MAMLD1: variants seen among roughly 807,000 people sequenced by gnomAD.
The protein encoded by MAMLD1 is mastermind-like domain-containing protein 1.
MAMLD1 carries 14 observed loss-of-function variants against 45.0 expected under a neutral mutation model. The observed-to-expected ratio is 0.31, with a 90% confidence interval of 0.21 to 0.49. The LOEUF (loss-of-function observed/expected upper bound fraction) is 0.49, where lower values mean the gene tolerates loss of function less well. MAMLD1 is among the 20% of genes least tolerant of loss of function. The probability of loss-of-function intolerance (pLI) is 0.99; values close to 1 mark genes in which losing one functional copy is unlikely to be tolerated. For synonymous variants in MAMLD1, 254 were observed against 247.8 expected (o/e 1.02, Z -0.24); for missense variants, 543 against 603.6 (o/e 0.90, Z 1.05).
At chrX:150,446,341 T>C (rs1340162277) in intron 2 of MAMLD1, among the ~76,000 whole-genome samples, 1 of 111,715 alleles carries the variant, frequency 9.0e-6, no homozygotes, top group Non-Finnish European at 1.9e-5. Flanking sequence ...CTGGAATTAA[T>C]AGAGCAGAGA....
intron 1 of MAMLD1, among the ~76,000 whole-genome samples, chrX:150,425,402 T>C (rs2034669430): frequency 8.9e-6 from 1 of 112,916 alleles, no homozygotes; most frequent in South Asian, 3.6e-4. Context: ...TTTTCAAAGC[T>C]AAAAGTGATG....
intron 1 of MAMLD1, among the ~76,000 whole-genome samples, chrX:150,368,776 A>G (rs1244294437): frequency 5.3e-5 from 6 of 112,389 alleles, no homozygotes; most frequent in South Asian, 7.3e-4. Context: ...AGCTTTCTAC[A>G]TATGGCTAGC....
chrX:150,390,215 G>A (rs1468564150), intron 1 of MAMLD1, among the ~76,000 whole-genome samples: 4 of 111,457 alleles, frequency 3.6e-5, no homozygotes, highest in South Asian at 3.8e-4. Context: ...ACAGACATGC[G>A]CCACCATGCC....
intron 1 of MAMLD1, among the ~76,000 whole-genome samples, chrX:150,381,321 C>CA (rs1171245443): frequency 8.9e-5 from 10 of 112,270 alleles, no homozygotes; most frequent in African/African-American, 2.6e-4. Flanking sequence ...CCAGGACAGT[C>CA]ACATTGATAC....
chrX:150,392,045 T>C (rs1052184535), intron 1 of MAMLD1, among the ~76,000 whole-genome samples: 3 of 111,772 alleles, frequency 2.7e-5, no homozygotes, highest in Admixed American at 9.5e-5. Flanking sequence ...TTGTTGCCAC[T>C]GAGTAGGATG....
intron 1 of MAMLD1, among the ~76,000 whole-genome samples, chrX:150,420,519 T>G (rs373030319): frequency 3.6e-5 from 4 of 112,140 alleles, no homozygotes; most frequent in South Asian, 7.4e-4. Context: ...GGTGCTCTGC[T>G]TTTTAGAGTT....
At chrX:150,486,509 A>G (rs1557407628) in intron 5 of MAMLD1, among the ~76,000 whole-genome samples, 1 of 111,925 alleles carries the variant, frequency 8.9e-6, no homozygotes, top group African/African-American at 3.3e-5. Context: ...AAATGGGGAA[A>G]GGTGTCAAGA....
At chrX:150,431,186 G>A (rs1557404043) in intron 1 of MAMLD1, among the ~76,000 whole-genome samples, 1 of 111,547 alleles carries the variant, frequency 9.0e-6, no homozygotes, top group Non-Finnish European at 1.9e-5. Flanking sequence ...AGTGTTTTTT[G>A]AGCAATAGTA....
chrX:150,501,153 G>A (rs1202693866), intron 5 of MAMLD1, among the ~76,000 whole-genome samples: 1 of 111,965 alleles, frequency 8.9e-6, no homozygotes, highest in Admixed American at 9.5e-5. Context: ...CTAATATCTT[G>A]CAAGTCACAG....
intron 1 of MAMLD1, among the ~76,000 whole-genome samples, chrX:150,408,369 A>AT (rs1212262782): frequency 2.9e-4 from 32 of 108,860 alleles, no homozygotes; most frequent in African/African-American, 8.4e-4. Context: ...TTTGCTCTCC[A>AT]TTTTTTTTTC....
rs1557409148 is a variant in MAMLD1 at position 150,512,115 on chromosome X, G to T, written c.*156G>T. The stretch of plus-strand genomic sequence containing the variant: ...CTTCTTCAGAACAATCTGAGTCCAG[G>T]AATGATCCCACTCACCAGGCACCAG... On this transcript the variant is annotated 3_prime_UTR_variant, in exon 8 of 8. Coordinates refer to ENST00000370401, the MANE Select transcript of MAMLD1 (RefSeq NM_005491.5). 4.3e-6 allele frequency: 5 copies of T among 1,152,419 alleles called. No individual in the cohort carries two copies. In the Admixed American group the frequency reaches 1.3e-4, roughly 30 times the overall value. The allele number at this position is 1,152,419 out of a possible 1,213,427, so 95.0% of individuals were successfully genotyped here.
intron 1 of MAMLD1, among the ~76,000 whole-genome samples, chrX:150,407,995 C>G (rs998418348): frequency 3.6e-5 from 4 of 111,626 alleles, no homozygotes; most frequent in Admixed American, 2.9e-4. Context: ...AGGAAACATA[C>G]AGGCAGAGGA....
At chrX:150,378,719 A>T (rs1408680860) in intron 1 of MAMLD1, among the ~76,000 whole-genome samples, 1 of 111,690 alleles carries the variant, frequency 9.0e-6, no homozygotes, top group Non-Finnish European at 1.9e-5. Context: ...GTGCATTTTT[A>T]CTTTGAGTTA....
intron 1 of MAMLD1, among the ~76,000 whole-genome samples, chrX:150,411,405 C>G (rs1298238747): frequency 8.9e-6 from 1 of 112,200 alleles, no homozygotes; most frequent in African/African-American, 3.2e-5. Flanking sequence ...GATGGCCCCC[C>G]ACCCCAACTC....
chrX:150,372,147 G>C (rs185629308), intron 1 of MAMLD1, among the ~76,000 whole-genome samples: 1 of 112,593 alleles, frequency 8.9e-6, no homozygotes, highest in African/African-American at 3.2e-5. Flanking sequence ...AATCTACCCT[G>C]TATCAACGTG....
chrX:150,514,119 C>T lies in MAMLD1; in HGVS notation c.*2160C>T, dbSNP rs1312392468. ...CACCTCTACATTTGAAATCTGGCGTCTGTTTCAAGCCAGTGTGTTTTTTCT... is the reference window on the plus strand; with the variant it reads ...CACCTCTACATTTGAAATCTGGCGTTTGTTTCAAGCCAGTGTGTTTTTTCT... On this transcript the variant is annotated 3_prime_UTR_variant, in exon 8 of 8. Coordinates refer to ENST00000370401, the MANE Select transcript of MAMLD1 (RefSeq NM_005491.5). The T allele has an allele frequency of 4.2e-6, 1 of 236,899 alleles. No homozygotes were observed. The highest frequency in any genetic ancestry group is 7.6e-6 in the Non-Finnish European group (1 of 132,407). The allele number at this position is 236,899 out of a possible 1,213,427, so 19.5% of individuals were successfully genotyped here. A position where few individuals can be genotyped will look rare whatever the true frequency, so the allele number is the denominator to read the frequency against.
At chrX:150,455,785 T>A (rs1557405307) in intron 2 of MAMLD1, among the ~76,000 whole-genome samples, 1 of 108,685 alleles carries the variant, frequency 9.2e-6, no homozygotes, top group African/African-American at 3.4e-5. Context: ...TTCTTCTTTT[T>A]TTTTTTTTTG....
intron 1 of MAMLD1, among the ~76,000 whole-genome samples, chrX:150,442,012 C>T (rs782619258): frequency 1.0e-4 from 11 of 109,845 alleles, no homozygotes; most frequent in African/African-American, 3.6e-4. Context: ...TGGATTGACA[C>T]TTTCAGCATT....
At chrX:150,476,513 T>C (rs782292639) in intron 5 of MAMLD1, among the ~76,000 whole-genome samples, 2 of 111,843 alleles carry the variant, frequency 1.8e-5, no homozygotes, top group African/African-American at 6.5e-5. Context: ...GTGCCCTCAG[T>C]GCACGTGCAT....
Sources: gnomAD v4.1 joint callset for allele counts (sites outside exome capture counted in the v4.1 genomes callset) on GRCh38, gnomAD v4.1.1 for gene constraint, MANE v1.5 for transcripts, NCBI Gene and HGNC (gene_info 2026-07-23, HGNC 2026-07-21) for gene names.